The following CNTN6 variants were observed in gnomAD, a reference collection of about 807,000 sequenced individuals.
The protein encoded by CNTN6 is contactin 6.
A neutral mutation model predicts 122.8 loss-of-function variants in CNTN6; 137 were observed. That is an observed-to-expected ratio of 1.12 (90% CI 0.97 to 1.29). The LOEUF (loss-of-function observed/expected upper bound fraction) is 1.29. CNTN6 is among the 50% of genes most tolerant of loss of function. The probability of loss-of-function intolerance (pLI) is 0.00; values close to 1 mark genes in which losing one functional copy is unlikely to be tolerated. For missense variants in CNTN6, 1,634 were observed against 1,223.4 expected (o/e 1.34, Z -5.01); for synonymous variants, 570 against 426.0 (o/e 1.34, Z -4.16).
At chr3:1,231,799 T>C (rs1315133245) in intron 4 of CNTN6, among the ~76,000 whole-genome samples, 2 of 152,334 alleles carry the variant, frequency 1.3e-5, no homozygotes, top group African/African-American at 4.8e-5. Flanking sequence ...TATCTCTTTC[T>C]TCCCCAACCC....
intron 19 of CNTN6, among the ~76,000 whole-genome samples, chr3:1,384,701 C>T (rs183393756): frequency 0.021 from 2,864 of 138,228 alleles, 108 homozygotes; most frequent in African/African-American, 0.072. Flanking sequence ...CACACACACA[C>T]GTATACATAT....
intron 19 of CNTN6, 86 bp downstream of exon 19, chr3:1,383,494 CTGT>C (rs1692261128): frequency 2.1e-6 from 2 of 963,482 alleles, no homozygotes; most frequent in Non-Finnish European, 3.3e-6. Context: ...TCCTACTAGC[CTGT>C]TGTTAGCATA....
chr3:1,403,305 T>C lies in CNTN6; in HGVS notation c.2987-13T>C. 2 of 1,563,980 alleles carry C rather than the reference T, an allele frequency of 1.3e-6. No homozygotes were observed. The highest frequency in any genetic ancestry group is 1.8e-6 in the Non-Finnish European group (2 of 1,142,760). On this transcript the variant is annotated splice_polypyrimidine_tract_variant and intron_variant, in intron 22 of 22. Transcript: ENST00000446702. ...ATCTCAAAATATTTTTGTCTTATTT[T>C]TATATTTTGCAGGTTTGAGTTCCAG...
intron 1 of CNTN6, among the ~76,000 whole-genome samples, chr3:1,116,241 A>T (rs2091713817): frequency 6.6e-6 from 1 of 152,146 alleles, no homozygotes; most frequent in Admixed American, 6.6e-5. Context: ...GGCCTGGAGA[A>T]AAACAAATGT....
At chr3:1,102,497 G>A (rs959567600) in intron 1 of CNTN6, among the ~76,000 whole-genome samples, 3 of 152,016 alleles carry the variant, frequency 2.0e-5, no homozygotes, top group East Asian at 1.9e-4. Context: ...TTGGGAGGCC[G>A]AGGTGGGCGG....
chr3:1,377,022 G>C lies in CNTN6; in HGVS notation c.2113G>C (p.Val705Leu), dbSNP rs1294980674. 1 of 1,603,016 alleles carries C rather than the reference G, an allele frequency of 6.2e-7. No individual in the cohort carries two copies. The highest frequency in any genetic ancestry group is 2.3e-5 in the East Asian group (1 of 44,374). The change falls in exon 17 of 23, where the codon GTA becomes CTA. Residue 705 changes from valine (V) to leucine (L), a missense_variant. Coordinates refer to ENST00000446702, the MANE Select transcript of CNTN6 (RefSeq NM_001289080.2). Reference sequence around the variant, plus strand: ...ATTTTTAGTCCCTGTTGTGGCACCAGTAAACATCCATGGAGGTGGAGGAAG... The same window carrying C: ...ATTTTTAGTCCCTGTTGTGGCACCACTAAACATCCATGGAGGTGGAGGAAG... ...TKASVPVVAPVNIHGGGGSRS... is the reference protein window; with the variant it reads ...TKASVPVVAPLNIHGGGGSRS...
intron 1 of CNTN6, among the ~76,000 whole-genome samples, chr3:1,113,734 G>C (rs1320680267): frequency 6.6e-6 from 1 of 152,094 alleles, no homozygotes; most frequent in Non-Finnish European, 1.5e-5. Flanking sequence ...GTTAAATCCT[G>C]ATAGAATTCT....
intron 1 of CNTN6, among the ~76,000 whole-genome samples, chr3:1,124,079 C>G (rs755205004): frequency 1.3e-4 from 20 of 151,884 alleles, no homozygotes; most frequent in Non-Finnish European, 2.4e-4. Flanking sequence ...TTCTGTTGGA[C>G]TAGAGGTGAT....
chr3:1,200,810 T>C (rs1376091075), intron 2 of CNTN6, among the ~76,000 whole-genome samples: 2 of 152,202 alleles, frequency 1.3e-5, no homozygotes, highest in Admixed American at 6.5e-5. Flanking sequence ...TCTTGTCAAC[T>C]TTTTCCTTAA....
intron 4 of CNTN6, among the ~76,000 whole-genome samples, chr3:1,250,859 C>T (rs961168712): frequency 5.3e-5 from 8 of 152,112 alleles, no homozygotes; most frequent in African/African-American, 4.8e-5. Context: ...TCTCCAATAC[C>T]CCTCTTACCA....
intron 4 of CNTN6, among the ~76,000 whole-genome samples, chr3:1,228,385 G>T (rs2094312834): frequency 6.6e-6 from 1 of 152,020 alleles, no homozygotes; most frequent in Non-Finnish European, 1.5e-5. Context: ...GGGGGAGGTG[G>T]GCGTTCTCCC....
At chr3:1,320,042 T>C (rs950956314) in intron 7 of CNTN6, among the ~76,000 whole-genome samples, 2 of 151,612 alleles carry the variant, frequency 1.3e-5, no homozygotes, top group African/African-American at 4.8e-5. Context: ...TTGGTTAGTA[T>C]GCCATAAAAT....
intron 11 of CNTN6, among the ~76,000 whole-genome samples, chr3:1,339,851 T>C (rs1445580429): frequency 6.6e-6 from 1 of 152,152 alleles, no homozygotes; most frequent in East Asian, 1.9e-4. Context: ...TGGATATACC[T>C]AATAACATAT....
At chr3:1,239,877 G>T (rs2094461550) in intron 4 of CNTN6, among the ~76,000 whole-genome samples, 1 of 152,022 alleles carries the variant, frequency 6.6e-6, no homozygotes, top group South Asian at 2.1e-4. Flanking sequence ...CCAAAAACTT[G>T]CAGTCAACTG....
intron 1 of CNTN6, among the ~76,000 whole-genome samples, chr3:1,106,617 A>T (rs2091236861): frequency 6.6e-6 from 1 of 152,074 alleles, no homozygotes; most frequent in South Asian, 2.1e-4. Context: ...AACATATTTT[A>T]CTTATAGCTT....
intron 1 of CNTN6, among the ~76,000 whole-genome samples, chr3:1,107,229 C>A (rs1574866282): frequency 6.6e-6 from 1 of 152,036 alleles, no homozygotes; most frequent in Admixed American, 6.6e-5. Context: ...ATTCAGTTGA[C>A]CTTGCTGATA....
At chr3:1,202,406 G>C (rs1485293856) in intron 2 of CNTN6, among the ~76,000 whole-genome samples, 1 of 149,236 alleles carries the variant, frequency 6.7e-6, no homozygotes, top group Non-Finnish European at 1.5e-5. Context: ...CGGGCGTGGT[G>C]GCGGGCGCCT....
chr3:1,109,000 G>A (rs1441316460), intron 1 of CNTN6, among the ~76,000 whole-genome samples: 5 of 152,020 alleles, frequency 3.3e-5, no homozygotes, highest in African/African-American at 4.8e-5. Flanking sequence ...GATTGTTTAT[G>A]TGTGTTTAGT....
At chr3:1,330,135 A>T (rs568313791) in intron 11 of CNTN6, among the ~76,000 whole-genome samples, 200 bp downstream of exon 11, 1 of 152,058 alleles carries the variant, frequency 6.6e-6, no homozygotes, top group South Asian at 2.1e-4. Context: ...TGTTTGTATA[A>T]GTTAGCTGCA....
Sources: gnomAD v4.1 joint callset for allele counts (sites outside exome capture counted in the v4.1 genomes callset) on GRCh38, gnomAD v4.1.1 for gene constraint, MANE v1.5 for transcripts, NCBI Gene and HGNC (gene_info 2026-07-23, HGNC 2026-07-21) for gene names.